RAN: variants seen among roughly 807,000 people sequenced by gnomAD.
The protein encoded by RAN is RAN, member RAS oncogene family, also known as GTP-binding nuclear protein Ran.
RAN carries 2 observed loss-of-function variants against 26.8 expected under a neutral mutation model. The observed-to-expected ratio is 0.07, with a 90% CI of 0.03 to 0.23. The LOEUF is 0.23. Among genes scored for constraint, RAN ranks in the 10% least tolerant of loss-of-function variants. The pLI, the probability that RAN is intolerant of heterozygous loss-of-function variation, is 1.00. For missense variants in RAN, 56 were observed against 264.8 expected, an observed-to-expected ratio of 0.21 and a Z score of 5.47; for synonymous variants, 132 against 95.9, an observed-to-expected ratio of 1.38 and a Z score of -2.20.
intron 4 of RAN, chr12:130,873,418 A>G (rs528153302): frequency 3.0e-6 from 1 of 331,308 alleles, no homozygotes; most frequent in African/African-American, 2.1e-5. Context: ...CAGTTTCAGT[A>G]TTTGGAAACT....
intron 2 of RAN, 39 bp from the exon 3 acceptor site, chr12:130,872,797 A>C: frequency 6.2e-7 from 1 of 1,604,884 alleles, no homozygotes; most frequent in Non-Finnish European, 8.5e-7. Context: ...TGAGAGGTGA[A>C]GTGTTTAGGG....
intron 4 of RAN, 121 bp from the exon 5 acceptor site, chr12:130,874,425 G>C (rs1457474964): frequency 2.9e-6 from 2 of 681,916 alleles, no homozygotes; most frequent in East Asian, 5.6e-5. Context: ...AGTGAGGGGA[G>C]AGATACAGGT....
chr12:130,872,468 G>C (rs1953154203), intron 1 of RAN, 116 bp from the exon 2 acceptor site: 1 of 633,218 alleles, frequency 1.6e-6, no homozygotes, highest in Admixed American at 5.2e-5. Context: ...CCGCCATGGC[G>C]CCGCGGGCGG....
chr12:130,872,764 A>G lies in RAN; in HGVS notation c.37-72A>G, dbSNP rs577878412. ...TGTTTTAAGTGAGCCTGTGGTGGTT[A>G]AAGTTCCGTGACTCTGGGATCTTGA... On this transcript the variant is annotated intron_variant, in intron 2 of 6. Transcript: ENST00000543796. The G allele has an allele frequency of 2.8e-5, 44 of 1,591,968 alleles. No individual in the cohort carries two copies. The African/African-American group carries it at 5.5e-4, about 20-fold the overall frequency.
Position 130,876,809 on chromosome 12 carries a change from G to C in RAN, c.*883G>C, listed in dbSNP as rs936666284. 3.3e-5 allele frequency: 5 copies of C among 152,200 alleles called. No homozygotes were observed. Among genetic ancestry groups the C allele is most frequent in the African/African-American group, 1.2e-4 (5 of 41,450 alleles). The allele number at this position is 152,200 out of a possible 1,614,324, so 9.4% of individuals were successfully genotyped here. A position where few individuals can be genotyped will look rare whatever the true frequency, so the allele number is the denominator to read the frequency against. On this transcript the variant is annotated 3_prime_UTR_variant, in exon 7 of 7. Transcript: ENST00000543796. Reference sequence around the variant, plus strand: ...AATGTTAGATGCTTAGTGTGAAGTTGATACGCAAGGAAAATGGTCCATGTT... The same window carrying C: ...AATGTTAGATGCTTAGTGTGAAGTTCATACGCAAGGAAAATGGTCCATGTT...
rs1953267550 is a variant in RAN at position 130,877,377 on chromosome 12, C to T, written c.*1451C>T. On this transcript the variant is annotated 3_prime_UTR_variant, in exon 7 of 7. Coordinates refer to ENST00000543796, the MANE Select transcript of RAN (RefSeq NM_006325.5). ...TGGCAACAGTTGAGTTTCTTAAGATCTGAATTGCTGTGTATGTTACGCTGT... is the reference window on the plus strand; with the variant it reads ...TGGCAACAGTTGAGTTTCTTAAGATTTGAATTGCTGTGTATGTTACGCTGT... 6.6e-6 allele frequency: 1 copy of T among 152,220 alleles called. No individual in the cohort carries two copies. Among genetic ancestry groups the T allele is most frequent in the African/African-American group, 2.4e-5 (1 of 41,460 alleles). The allele number at this position is 152,220 out of a possible 1,614,324, so 9.4% of individuals were successfully genotyped here.
rs1026227434 is a variant in RAN, at chr12:130,872,462, C to T, written c.-10-122C>T. On this transcript the variant is annotated intron_variant, in intron 1 of 6. Coordinates refer to ENST00000543796, the MANE Select transcript of RAN (RefSeq NM_006325.5). ...CCTTCCCGCTCCCAGGCCTGGCCGC[C>T]ATGGCGCCGCGGGCGGGAGGCCTTT... 50 of 563,786 alleles carry T rather than the reference C, an allele frequency of 8.9e-5. 1 individual carries two copies. The highest frequency in any genetic ancestry group is 3.8e-4 in the African/African-American group (19 of 49,786). 34.9% of individuals were successfully genotyped at this position (563,786 alleles called of 1,614,324 possible).
intron 2 of RAN, 22 bp from the exon 3 acceptor site, chr12:130,872,814 T>C (rs1953165005): frequency 6.2e-7 from 1 of 1,613,564 alleles, no homozygotes. Context: ...AGGGTTTACT[T>C]CCAAAATGTG....
At position 130,874,625 on chromosome 12, in the gene RAN, A is replaced by G. The variant is rs769524779; in HGVS notation, c.327A>G (p.Val109=). ...KNVPNWHRDL[V]RVCENIPIVL... ...TGCCTAACTGGCATAGAGATCTGGT[A>G]CGAGTGTGTGAAAACATCCCCATTG... Residue 109 remains valine (V), a synonymous_variant, in exon 5 of 7, where the codon GTA becomes GTG. Transcript: ENST00000543796. 4 of 1,608,604 alleles carry G rather than the reference A, an allele frequency of 2.5e-6. No homozygotes were observed. The highest frequency in any genetic ancestry group is 2.6e-6 in the Non-Finnish European group (3 of 1,175,162).
chr12:130,877,137 G>A lies in RAN; in HGVS notation c.*1211G>A, dbSNP rs1329422827. The A allele has an allele frequency of 1.3e-5, 2 of 151,554 alleles. No homozygotes were observed. The highest frequency in any genetic ancestry group is 6.6e-5 in the Admixed American group (1 of 15,198). 9.4% of individuals were successfully genotyped at this position (151,554 alleles called of 1,614,324 possible). On this transcript the variant is annotated 3_prime_UTR_variant, in exon 7 of 7. Transcript: ENST00000543796. ...ATTAGGTCTATTAGGATAATTAGGA[G>A]TTTGATCCCATCAACACTATTCTTG...
intron 4 of RAN, 71 bp downstream of exon 4, chr12:130,873,199 A>G (rs1388611950): frequency 4.4e-6 from 7 of 1,595,116 alleles, no homozygotes; most frequent in Admixed American, 3.4e-5. Flanking sequence ...GTTATAGAAA[A>G]TCAGGTCTGT....
In RAN at chr12:130,876,056, CT is replaced by C. The variant is rs1953233793; in HGVS notation, c.*131del. ...GAACATGTGCTTCATCTGTGGGATG[CT>C]GAAGGAGATGAGTGGGCTTCGGAGT... is the stretch of plus-strand genomic sequence containing the variant. On this transcript the variant is annotated 3_prime_UTR_variant, in exon 7 of 7. Transcript: ENST00000543796. The C allele has an allele frequency of 1.1e-6, 1 of 936,962 alleles. No homozygotes were observed. The highest frequency in any genetic ancestry group is 1.5e-5 in the South Asian group (1 of 67,126). The allele number at this position is 936,962 out of a possible 1,614,324, so 58.0% of individuals were successfully genotyped here.
intron 4 of RAN, 148 bp from the exon 5 acceptor site, chr12:130,874,398 T>G (rs1023319542): frequency 5.5e-5 from 33 of 596,264 alleles, no homozygotes; most frequent in Non-Finnish European, 4.6e-5. Context: ...ATTTTTAGAA[T>G]TGACAGAGAC....
chr12:130,876,813 C>T lies in RAN; in HGVS notation c.*887C>T, dbSNP rs774209743. On this transcript the variant is annotated 3_prime_UTR_variant, in exon 7 of 7. Coordinates refer to ENST00000543796, the MANE Select transcript of RAN (RefSeq NM_006325.5). Reference sequence around the variant, plus strand: ...TTAGATGCTTAGTGTGAAGTTGATACGCAAGGAAAATGGTCCATGTTTACC... The same window carrying T: ...TTAGATGCTTAGTGTGAAGTTGATATGCAAGGAAAATGGTCCATGTTTACC... 4 of 152,138 alleles carry T rather than the reference C, an allele frequency of 2.6e-5. No individual in the cohort carries two copies. The highest frequency in any genetic ancestry group is 6.5e-5 in the Admixed American group (1 of 15,282). 9.4% of individuals were successfully genotyped at this position (152,138 alleles called of 1,614,324 possible). A position where few individuals can be genotyped will look rare whatever the true frequency, so the allele number is the denominator to read the frequency against.
At chr12:130,874,760 T>G (rs1222130476) in intron 5 of RAN, 27 bp downstream of exon 5, 2 of 1,563,348 alleles carry the variant, frequency 1.3e-6, no homozygotes, top group Non-Finnish European at 1.8e-6. Context: ...CTTCCTGAGT[T>G]ATTTCTCTTA....
intron 2 of RAN, 66 bp downstream of exon 2, chr12:130,872,695 C>T (rs973438271): frequency 1.2e-5 from 18 of 1,543,226 alleles, no homozygotes; most frequent in Non-Finnish European, 1.3e-5. Context: ...GTCCCTCCTC[C>T]TGGGGCCACG....
chr12:130,874,462 T>C, intron 4 of RAN, 84 bp from the exon 5 acceptor site: 3 of 1,111,348 alleles, frequency 2.7e-6, no homozygotes, highest in Non-Finnish European at 3.9e-6. Flanking sequence ...AGACTATAAC[T>C]AGTTGAATCC....
At chr12:130,875,472 C>A (rs1953222375) in intron 5 of RAN, 140 bp from the exon 6 acceptor site, 4 of 765,774 alleles carry the variant, frequency 5.2e-6, no homozygotes, top group Non-Finnish European at 8.2e-6. Flanking sequence ...CCACCTCAGC[C>A]CCCGAAAGTG....
In RAN at chr12:130,873,064, C is replaced by T. The variant is rs1485935299; in HGVS notation, c.183C>T (p.Phe61=). Residue 61 remains phenylalanine (F), a synonymous_variant, in exon 4 of 7, where the codon TTC becomes TTT. Coordinates refer to ENST00000543796, the MANE Select transcript of RAN (RefSeq NM_006325.5). ...VFHTNRGPIK[F]NVWDTAGQEK... The stretch of plus-strand genomic sequence containing the variant: ...ACACCAACAGAGGACCTATTAAGTT[C>T]AATGTATGGGACACAGCCGGCCAGG... The T allele has an allele frequency of 5.6e-6, 9 of 1,614,116 alleles. No individual in the cohort carries two copies. Among genetic ancestry groups the T allele is most frequent in the Admixed American group, 3.3e-5 (2 of 60,008 alleles).
Sources: allele counts gnomAD v4.1 joint callset, GRCh38; gene constraint gnomAD v4.1.1; transcripts MANE v1.5; gene names NCBI Gene and HGNC (gene_info 2026-07-23, HGNC 2026-07-21).